Variants in THADA observed in about 807,000 individuals in gnomAD.
THADA encodes the protein THADA armadillo repeat containing, also known as tRNA (32-2'-O)-methyltransferase regulator THADA.
In THADA, 213 loss-of-function variants were observed where a neutral mutation model predicts 219.8. The observed-to-expected ratio is 0.97, with a 90% CI of 0.87 to 1.09. THADA has a LOEUF of 1.09. Among genes scored for constraint, THADA ranks in the 50% least tolerant of loss-of-function variants. The probability of loss-of-function intolerance (pLI) is 0.00; values close to 1 mark genes in which losing one functional copy is unlikely to be tolerated. For synonymous variants in THADA, 1,018 were observed against 828.9 expected (o/e 1.23, Z -3.92); for missense variants, 2,956 against 2,311.3 (o/e 1.28, Z -5.72).
At chr2:43,483,143 G>C (rs767676699) in intron 26 of THADA, among the ~76,000 whole-genome samples, 2 of 152,124 alleles carry the variant, frequency 1.3e-5, no homozygotes, top group African/African-American at 2.4e-5. Flanking sequence ...GTTGTGAAAG[G>C]AAACAACTGA....
At chr2:43,235,827 G>C (rs1246974039) in intron 36 of THADA, among the ~76,000 whole-genome samples, 2 of 150,702 alleles carry the variant, frequency 1.3e-5, no homozygotes, top group African/African-American at 4.9e-5. Context: ...TTTTTTTTGA[G>C]ACAGAGTCTC....
chr2:43,368,566 A>ATT (rs879310850), intron 29 of THADA, among the ~76,000 whole-genome samples: 3 of 142,902 alleles, frequency 2.1e-5, no homozygotes, highest in Non-Finnish European at 3.1e-5. Context: ...ATGTCCGGCT[A>ATT]TTTTTTTTTT....
intron 29 of THADA, among the ~76,000 whole-genome samples, chr2:43,368,722 T>C (rs918101833): frequency 2.0e-5 from 3 of 152,098 alleles, no homozygotes; most frequent in African/African-American, 7.2e-5. Context: ...TTAAATCTGT[T>C]GATAACTTCC....
At chr2:43,534,418 G>A (rs556610041) in intron 21 of THADA, among the ~76,000 whole-genome samples, 1 of 152,164 alleles carries the variant, frequency 6.6e-6, no homozygotes, top group South Asian at 2.1e-4. Context: ...AAGAACACTA[G>A]AGCTTATTCT....
intron 29 of THADA, among the ~76,000 whole-genome samples, chr2:43,354,901 C>T (rs1573232961): frequency 6.6e-6 from 1 of 151,780 alleles, no homozygotes; most frequent in African/African-American, 2.4e-5. Context: ...TCTCACGAGA[C>T]CTGATGGTTT....
intron 36 of THADA, among the ~76,000 whole-genome samples, chr2:43,234,111 C>G (rs1163947153): frequency 6.6e-6 from 1 of 152,212 alleles, no homozygotes; most frequent in Admixed American, 6.5e-5. Flanking sequence ...AGGCCCTGAT[C>G]AAATGCTGTC....
In THADA at chr2:43,400,764, G is replaced by A. The variant is rs151318178; in HGVS notation, c.4059-2625C>T. Among the ~76,000 whole-genome samples, 128 of 152,130 alleles carry A rather than the reference G, an allele frequency of 8.4e-4. 1 individual carries two copies. Among genetic ancestry groups the A allele is most frequent in the African/African-American group, 3.0e-3 (126 of 41,502 alleles). On this transcript the variant is annotated intron_variant, in intron 28 of 37. Coordinates refer to ENST00000405975, the MANE Select transcript of THADA (RefSeq NM_022065.5). ...GAAGGAAGGGCTCCAGAAATTCCAA[G>A]TTTTTACAGTGCACTGTGCCAGTGT...
chr2:43,533,272 C>T (rs1430187378), intron 21 of THADA, among the ~76,000 whole-genome samples: 1 of 152,140 alleles, frequency 6.6e-6, no homozygotes, highest in African/African-American at 2.4e-5. Flanking sequence ...GAAATAGAAA[C>T]ACTTTTACAC....
At chr2:43,371,505 T>C (rs1435612428) in intron 29 of THADA, among the ~76,000 whole-genome samples, 2 of 152,194 alleles carry the variant, frequency 1.3e-5, no homozygotes, top group African/African-American at 4.8e-5. Flanking sequence ...GAATGAACTT[T>C]CACAAGTAAA....
At chr2:43,419,359 C>T (rs749771354) in intron 28 of THADA, among the ~76,000 whole-genome samples, 4 of 152,110 alleles carry the variant, frequency 2.6e-5, no homozygotes, top group South Asian at 4.1e-4. Context: ...AGTAAAAGGA[C>T]GTGAGGGTGA....
chr2:43,460,373 G>A (rs1158130632), intron 26 of THADA, among the ~76,000 whole-genome samples: 1 of 151,688 alleles, frequency 6.6e-6, no homozygotes, highest in Non-Finnish European at 1.5e-5. Context: ...TCCAGACTGT[G>A]ACTGTAACAC....
At chr2:43,384,554 G>A (rs1281300126) in intron 29 of THADA, among the ~76,000 whole-genome samples, 2 of 152,184 alleles carry the variant, frequency 1.3e-5, no homozygotes, top group Admixed American at 6.5e-5. Context: ...GCTCAATCAT[G>A]AATTTTAATA....
chr2:43,521,344 C>T (rs922090977), intron 22 of THADA, among the ~76,000 whole-genome samples: 1 of 152,116 alleles, frequency 6.6e-6, no homozygotes, highest in Non-Finnish European at 1.5e-5. Flanking sequence ...CACCTGAGGT[C>T]AGGAGTTCAA....
chr2:43,521,498 G>T (rs1427267681), intron 22 of THADA, among the ~76,000 whole-genome samples: 1 of 152,190 alleles, frequency 6.6e-6, no homozygotes, highest in Non-Finnish European at 1.5e-5. Context: ...AGAGGTTGCA[G>T]TGAGCCGAGA....
In THADA at chr2:43,317,288, G is replaced by C. The variant is rs112729855; in HGVS notation, c.4438+3158C>G. Among the ~76,000 whole-genome samples, 52 of 152,254 alleles carry C rather than the reference G, an allele frequency of 3.4e-4. 1 individual carries two copies. Among genetic ancestry groups the C allele is most frequent in the African/African-American group, 1.2e-3 (51 of 41,576 alleles). On this transcript the variant is annotated intron_variant, in intron 31 of 37. Transcript: ENST00000405975. ...GAATTCACATCTATTTGATACATGA[G>C]TTTAAATAAAATCTGTATTTTGATA...
At chr2:43,527,157 G>C (rs1320343846) in intron 22 of THADA, among the ~76,000 whole-genome samples, 1 of 152,134 alleles carries the variant, frequency 6.6e-6, no homozygotes, top group African/African-American at 2.4e-5. Flanking sequence ...TGTTTGCTGA[G>C]GCTACAAGGC....
At position 43,398,803 on chromosome 2, in the gene THADA, T is replaced by TG. The variant is rs568688174; in HGVS notation, c.4059-665dup. Among the ~76,000 whole-genome samples the TG allele has an allele frequency of 6.6e-5, 10 of 152,286 alleles. No homozygotes were observed. In the South Asian group the frequency reaches 1.4e-3, roughly 22 times the overall value. On this transcript the variant is annotated intron_variant, in intron 28 of 37. Transcript: ENST00000405975. ...AACAGTAGAAGTTAAGGCTGAGAAG[T>TG]GGGTCAGGCCATACTGGGGAGTGCT...
intron 36 of THADA, among the ~76,000 whole-genome samples, chr2:43,259,592 A>G (rs1044376079): frequency 2.0e-5 from 3 of 152,240 alleles, no homozygotes; most frequent in Non-Finnish European, 4.4e-5. Flanking sequence ...CAGTGGAATC[A>G]CTCCAGATGT....
chr2:43,263,206 C>T (rs1671157380), intron 36 of THADA, among the ~76,000 whole-genome samples: 1 of 152,196 alleles, frequency 6.6e-6, no homozygotes, highest in Non-Finnish European at 1.5e-5. Context: ...TATCCCACTT[C>T]CTCCTTGCTA....
Sources: allele counts gnomAD v4.1 joint callset (sites outside exome capture counted in the v4.1 genomes callset), GRCh38; gene constraint gnomAD v4.1.1; transcripts MANE v1.5; gene names NCBI Gene and HGNC (gene_info 2026-07-23, HGNC 2026-07-21).